The following CCDC7 variants were observed in gnomAD, a reference collection of about 807,000 sequenced individuals.
CCDC7 encodes coiled-coil domain containing 7.
CCDC7 carries 183 observed loss-of-function variants against 196.9 expected under a neutral mutation model. The observed-to-expected ratio is 0.93, with a 90% CI of 0.82 to 1.05. The LOEUF (loss-of-function observed/expected upper bound fraction) is 1.05. Among genes scored for constraint, CCDC7 ranks in the 50% least tolerant of loss-of-function variants. The probability of loss-of-function intolerance (pLI) is 0.00; values close to 1 mark genes in which losing one functional copy is unlikely to be tolerated. For synonymous variants in CCDC7, 525 were observed against 484.6 expected (o/e 1.08, Z -1.10); for missense variants, 1,540 against 1,482.2 (o/e 1.04, Z -0.64).
intron 8 of CCDC7, among the ~76,000 whole-genome samples, chr10:32,479,939 G>A (rs1385058630): frequency 6.6e-6 from 1 of 151,528 alleles, no homozygotes; most frequent in Non-Finnish European, 1.5e-5. Context: ...GTCTTGGTGG[G>A]TTGTATGTGT....
downstream of CCDC7, among the ~76,000 whole-genome samples, chr10:32,877,395 A>C (rs2094627065): frequency 6.6e-6 from 1 of 152,118 alleles, no homozygotes; most frequent in Non-Finnish European, 1.5e-5. Flanking sequence ...ATATATGCAG[A>C]AATGAATAGC....
At chr10:32,843,924 T>C (rs2093133675) in intron 33 of CCDC7, among the ~76,000 whole-genome samples, 1 of 152,052 alleles carries the variant, frequency 6.6e-6, no homozygotes, top group African/African-American at 2.4e-5. Flanking sequence ...GTCCATACTT[T>C]GGTTTAGATT....
At chr10:32,743,522 G>A (rs2074146355) in intron 28 of CCDC7, among the ~76,000 whole-genome samples, 1 of 152,164 alleles carries the variant, frequency 6.6e-6, no homozygotes, top group African/African-American at 2.4e-5. Context: ...TTCTTCTAGG[G>A]TTTTTATGGT....
intron 20 of CCDC7, among the ~76,000 whole-genome samples, chr10:32,636,040 C>G (rs1202615421): frequency 6.6e-6 from 1 of 152,034 alleles, no homozygotes; most frequent in Non-Finnish European, 1.5e-5. Context: ...TCTAAAGACA[C>G]CTCTGTGTAT....
At chr10:32,728,787 T>C (rs942107403) in intron 26 of CCDC7, 100 bp from the exon 28 acceptor site, 1 of 592,748 alleles carries the variant, frequency 1.7e-6, no homozygotes, top group Non-Finnish European at 2.8e-6. Flanking sequence ...AGCATTATGG[T>C]AATTTACTTA....
intron 30 of CCDC7, among the ~76,000 whole-genome samples, chr10:32,811,770 A>G (rs2087176941): frequency 6.6e-6 from 1 of 152,152 alleles, no homozygotes; most frequent in Non-Finnish European, 1.5e-5. Flanking sequence ...ACATAAAAAA[A>G]TAAAAGTACA....
chr10:32,611,215 T>C (rs2062092667), intron 18 of CCDC7, among the ~76,000 whole-genome samples: 1 of 152,262 alleles, frequency 6.6e-6, no homozygotes, highest in Admixed American at 6.5e-5. Flanking sequence ...CGCATAAATA[T>C]CTTCTTTTGA....
chr10:32,676,460 A>G (rs1345240796), intron 21 of CCDC7, among the ~76,000 whole-genome samples: 5 of 151,198 alleles, frequency 3.3e-5, no homozygotes, highest in Admixed American at 6.6e-5. Context: ...AAATTTTCGC[A>G]ACCTACTCAT....
intron 28 of CCDC7, among the ~76,000 whole-genome samples, chr10:32,746,156 G>A (rs1372886761): frequency 1.3e-5 from 2 of 152,052 alleles, no homozygotes; most frequent in Admixed American, 6.5e-5. Context: ...TTGGAAGGAC[G>A]GCATTGAGAG....
intron 18 of CCDC7, among the ~76,000 whole-genome samples, chr10:32,604,042 A>G (rs2061337415): frequency 6.6e-6 from 1 of 152,000 alleles, no homozygotes; most frequent in African/African-American, 2.4e-5. Context: ...GTCCTAGAGC[A>G]TTTCTCCTGC....
At chr10:32,873,844 A>G (rs2094512125) in intron 41 of CCDC7, among the ~76,000 whole-genome samples, 1 of 151,862 alleles carries the variant, frequency 6.6e-6, no homozygotes, top group Admixed American at 6.6e-5. Context: ...CCATCCCACC[A>G]GCACTGTGTG....
intron 26 of CCDC7, among the ~76,000 whole-genome samples, chr10:32,728,683 A>G (rs574432302): frequency 1.3e-5 from 2 of 152,308 alleles, no homozygotes; most frequent in South Asian, 4.1e-4. Context: ...CTGGAGACCA[A>G]TATAAACTTT....
intron 40 of CCDC7, among the ~76,000 whole-genome samples, chr10:32,852,597 C>A (rs1245621842): frequency 6.6e-6 from 1 of 152,046 alleles, no homozygotes; most frequent in Non-Finnish European, 1.5e-5. Context: ...CCTTAGCCTC[C>A]TGAGAGTTTG....
chr10:32,445,310 T>A (rs910096675), upstream of CCDC7, among the ~76,000 whole-genome samples: 3 of 152,172 alleles, frequency 2.0e-5, no homozygotes, highest in African/African-American at 7.2e-5. Context: ...AGCTGATAAA[T>A]TTTCAGGAAT....
At chr10:32,764,987 G>T (rs879749544) in intron 28 of CCDC7, among the ~76,000 whole-genome samples, 2 of 150,354 alleles carry the variant, frequency 1.3e-5, no homozygotes, top group Non-Finnish European at 3.0e-5. Flanking sequence ...TGACACAAAT[G>T]GTCAGTCTAC....
intron 41 of CCDC7, among the ~76,000 whole-genome samples, chr10:32,861,192 C>G (rs1350407260): frequency 1.3e-5 from 2 of 148,642 alleles, no homozygotes; most frequent in African/African-American, 4.9e-5. Flanking sequence ...CCACAGTAAC[C>G]AAAACAGCAT....
chr10:32,688,296 C>T (rs1263461788), intron 22 of CCDC7, among the ~76,000 whole-genome samples: 2 of 152,138 alleles, frequency 1.3e-5, no homozygotes, highest in African/African-American at 4.8e-5. Context: ...TAATATAAAT[C>T]TCAAACAATG....
At chr10:32,821,062 A>G (rs2090078475) in intron 31 of CCDC7, among the ~76,000 whole-genome samples, 1 of 152,192 alleles carries the variant, frequency 6.6e-6, no homozygotes, top group Non-Finnish European at 1.5e-5. Flanking sequence ...TTTACAATCT[A>G]CCCATCTGAC....
intron 18 of CCDC7, among the ~76,000 whole-genome samples, chr10:32,602,244 G>A (rs2061123028): frequency 6.6e-6 from 1 of 152,042 alleles, no homozygotes; most frequent in Non-Finnish European, 1.5e-5. Context: ...CACTCCTGAA[G>A]TTAGCAAGAC....
Sources: gnomAD v4.1 joint callset for allele counts (sites outside exome capture counted in the v4.1 genomes callset) on GRCh38, gnomAD v4.1.1 for gene constraint, MANE v1.5 for transcripts, NCBI Gene and HGNC (gene_info 2026-07-23, HGNC 2026-07-21) for gene names.